The following RAB3B variants were observed in gnomAD, a reference collection of about 807,000 sequenced individuals.
RAB3B encodes the protein RAB3B, member RAS oncogene family.
Under a neutral mutation model 20.5 loss-of-function variants are expected in RAB3B, and 11 were observed. The ratio of observed to expected loss-of-function variants is 0.54; its 90% CI spans 0.34 to 0.89. The LOEUF (loss-of-function observed/expected upper bound fraction) is 0.89, where lower values mean the gene tolerates loss of function less well. Ranked by LOEUF, RAB3B falls within the 40% of genes least tolerant of loss-of-function variation. The probability of loss-of-function intolerance (pLI) is 0.02; values close to 1 mark genes in which losing one functional copy is unlikely to be tolerated. For synonymous variants in RAB3B, 99 were observed against 106.3 expected (o/e 0.93, Z 0.42); for missense variants, 225 against 280.9 (o/e 0.80, Z 1.42).
intron 1 of RAB3B, among the ~76,000 whole-genome samples, chr1:51,981,569 G>A (rs1009592168): frequency 6.6e-6 from 1 of 152,082 alleles, no homozygotes; most frequent in African/African-American, 2.4e-5. Context: ...TACCTTCTAT[G>A]CATATTGTAA....
chr1:51,930,714 C>T (rs1448864390), intron 4 of RAB3B, among the ~76,000 whole-genome samples: 1 of 152,120 alleles, frequency 6.6e-6, no homozygotes, highest in African/African-American at 2.4e-5. Context: ...AACCAATTCA[C>T]CTTTAAAAAA....
In RAB3B at chr1:51,955,109, G is replaced by C. The variant is rs114304821; in HGVS notation, c.229-17697C>G. ...CCAGGGGGCGTTGACCTTTATGAGC[G>C]AAGTTTGAGGCCTTGCCCTCCCTCT... On this transcript the variant is annotated intron_variant, in intron 2 of 4. Coordinates refer to ENST00000371655, the MANE Select transcript of RAB3B (RefSeq NM_002867.4). Among the ~76,000 whole-genome samples the C allele has an allele frequency of 5.5e-3, 840 of 152,344 alleles. 6 individuals carry two copies. The highest frequency in any genetic ancestry group is 0.019 in the African/African-American group (772 of 41,576).
intron 2 of RAB3B, among the ~76,000 whole-genome samples, chr1:51,945,525 A>G (rs1232812730): frequency 6.6e-6 from 1 of 152,182 alleles, no homozygotes; most frequent in African/African-American, 2.4e-5. Flanking sequence ...TATCCGAGGT[A>G]TGCCTGTACC....
At chr1:51,935,329 T>G (rs1251881680) in intron 3 of RAB3B, among the ~76,000 whole-genome samples, 1 of 152,152 alleles carries the variant, frequency 6.6e-6, no homozygotes, top group African/African-American at 2.4e-5. Context: ...CACCACTTCT[T>G]GTGGGCCCAC....
chr1:51,938,989 A>G (rs1000397011), intron 2 of RAB3B, among the ~76,000 whole-genome samples: 4 of 152,178 alleles, frequency 2.6e-5, no homozygotes, highest in Non-Finnish European at 5.9e-5. Flanking sequence ...TATCTCTACA[A>G]TGAGCACATA....
At chr1:51,980,029 G>A (rs1026026250) in intron 1 of RAB3B, among the ~76,000 whole-genome samples, 3 of 151,778 alleles carry the variant, frequency 2.0e-5, no homozygotes, top group African/African-American at 4.8e-5. Flanking sequence ...GCGACAGAGC[G>A]AGACTCCACC....
chr1:51,932,798 G>A (rs1684344561), intron 4 of RAB3B, among the ~76,000 whole-genome samples: 1 of 152,108 alleles, frequency 6.6e-6, no homozygotes, highest in South Asian at 2.1e-4. Flanking sequence ...TTTATACTAG[G>A]ACACTCTAAA....
intron 1 of RAB3B, 95 bp from the exon 2 acceptor site, chr1:51,977,212 C>A (rs1434871587): frequency 9.3e-6 from 8 of 860,374 alleles, no homozygotes; most frequent in Non-Finnish European, 9.5e-6. Context: ...CACACACTCA[C>A]TCCTTACTCC....
At chr1:51,934,553 C>T (rs1195096140) in intron 3 of RAB3B, among the ~76,000 whole-genome samples, 4 of 151,854 alleles carry the variant, frequency 2.6e-5, no homozygotes, top group Non-Finnish European at 5.9e-5. Flanking sequence ...GGGCGGACCA[C>T]GAGGTCAGGA....
At chr1:51,933,712 C>T (rs1042018788) in intron 3 of RAB3B, among the ~76,000 whole-genome samples, 1 of 152,120 alleles carries the variant, frequency 6.6e-6, no homozygotes. Flanking sequence ...CTGCTGGCAC[C>T]TTGATCTTGG....
rs1684045773 is a variant in RAB3B at position 51,913,950 on chromosome 1, G to A, written c.*5977C>T. 1.3e-5 allele frequency: 2 copies of A among 152,290 alleles called. No individual in the cohort carries two copies. 9.4% of individuals were successfully genotyped at this position (152,290 alleles called of 1,614,324 possible). A position where few individuals can be genotyped will look rare whatever the true frequency, so the allele number is the denominator to read the frequency against. On this transcript the variant is annotated 3_prime_UTR_variant, in exon 5 of 5. Coordinates refer to ENST00000371655, the MANE Select transcript of RAB3B (RefSeq NM_002867.4). ...AAATCTGGGCAGCCTTCTGGAGGAT[G>A]ACACCACAGGGAGAAAGGCCTCAAC...
At position 51,989,103 on chromosome 1, in the gene RAB3B, G is replaced by GCGCACACACACACACACA. The variant is rs377673682; in HGVS notation, c.-1+1448_-1+1449insTGTGTGTGTGTGTGTGCG. On this transcript the variant is annotated intron_variant, in intron 1 of 4. Coordinates refer to ENST00000371655, the MANE Select transcript of RAB3B (RefSeq NM_002867.4). ...CAGGTGGACACCCACCTGTGCGCGCGCACACACACACACACACACACACAC... is the reference window on the plus strand; with the variant it reads ...CAGGTGGACACCCACCTGTGCGCGCGCGCACACACACACACACACACACACACACACACACACACACAC... Among the ~76,000 whole-genome samples the GCGCACACACACACACACA allele has an allele frequency of 9.9e-4, 132 of 132,760 alleles. 3 individuals carry two copies. The highest frequency in any genetic ancestry group is 4.1e-3 in the Middle Eastern group (1 of 242). 87.1% of individuals were successfully genotyped at this position (132,760 alleles called of 152,430 possible). A position where few individuals can be genotyped will look rare whatever the true frequency, so the allele number is the denominator to read the frequency against.
At chr1:51,964,701 C>G (rs1303504316) in intron 2 of RAB3B, among the ~76,000 whole-genome samples, 2 of 152,060 alleles carry the variant, frequency 1.3e-5, no homozygotes, top group Non-Finnish European at 2.9e-5. Context: ...ACATCCTTGA[C>G]TTCTCTCCTT....
chr1:51,941,035 T>G (rs999528547), intron 2 of RAB3B, among the ~76,000 whole-genome samples: 1 of 152,010 alleles, frequency 6.6e-6, no homozygotes, highest in Admixed American at 6.6e-5. Context: ...TGGGACTATA[T>G]GGTAGAAGGC....
At chr1:51,940,129 T>G (rs994619254) in intron 2 of RAB3B, among the ~76,000 whole-genome samples, 5 of 152,232 alleles carry the variant, frequency 3.3e-5, no homozygotes, top group Non-Finnish European at 5.9e-5. Context: ...CATTCAGAAC[T>G]AATCTGTCTC....
chr1:51,967,739 C>T (rs1231639052), intron 2 of RAB3B, among the ~76,000 whole-genome samples: 1 of 151,638 alleles, frequency 6.6e-6, no homozygotes, highest in East Asian at 1.9e-4. Flanking sequence ...GCTGGTCTCA[C>T]TCCTGAGCTC....
intron 2 of RAB3B, 113 bp downstream of exon 2, chr1:51,976,777 A>T: frequency 1.1e-6 from 1 of 904,054 alleles, no homozygotes; most frequent in Non-Finnish European, 1.7e-6. Context: ...AAACAGCATT[A>T]ATGCCTGATG....
At chr1:51,985,254 C>T (rs72905947) in intron 1 of RAB3B, among the ~76,000 whole-genome samples, 3,529 of 152,268 alleles carry the variant, frequency 0.023, 76 homozygotes, top group African/African-American at 0.062. Flanking sequence ...CTGATTGTGG[C>T]TCCATTATTT....
At position 51,913,075 on chromosome 1, in the gene RAB3B, A is replaced by C. The variant is rs1684028961; in HGVS notation, c.*6852T>G. 6.6e-6 allele frequency: 1 copy of C among 152,180 alleles called. No individual in the cohort carries two copies. Among genetic ancestry groups the C allele is most frequent in the African/African-American group, 2.4e-5 (1 of 41,454 alleles). The allele number at this position is 152,180 out of a possible 1,614,324, so 9.4% of individuals were successfully genotyped here. A position where few individuals can be genotyped will look rare whatever the true frequency, so the allele number is the denominator to read the frequency against. The stretch of plus-strand genomic sequence containing the variant: ...GGAGCCATCTTTTCTATATATACTG[A>C]ATCTTTCTGCTGGGCTTCTGGCCAG... On this transcript the variant is annotated 3_prime_UTR_variant, in exon 5 of 5. Transcript: ENST00000371655.
Sources: gnomAD v4.1 joint callset for allele counts (sites outside exome capture counted in the v4.1 genomes callset) on GRCh38, gnomAD v4.1.1 for gene constraint, MANE v1.5 for transcripts, NCBI Gene and HGNC (gene_info 2026-07-23, HGNC 2026-07-21) for gene names.